The following RGS6 variants were observed in gnomAD, a reference collection of about 807,000 sequenced individuals.
RGS6 encodes regulator of G protein signaling 6.
RGS6 carries 30 observed loss-of-function variants against 78.5 expected under a neutral mutation model. The ratio of observed to expected loss-of-function variants is 0.38; its 90% confidence interval spans 0.29 to 0.52. RGS6 has a LOEUF of 0.52. Among genes scored for constraint, RGS6 ranks in the 20% least tolerant of loss-of-function variants. The pLI, the probability that RGS6 is intolerant of heterozygous loss-of-function variation, is 0.85. For synonymous variants in RGS6, 206 were observed against 206.0 expected (o/e 1.00, Z 0.00); for missense variants, 495 against 609.7 (o/e 0.81, Z 1.98).
At chr14:72,395,084 G>A (rs1240740553) in intron 3 of RGS6, among the ~76,000 whole-genome samples, 2 of 152,116 alleles carry the variant, frequency 1.3e-5, no homozygotes, top group East Asian at 3.8e-4. Flanking sequence ...ATCTGTGGTA[G>A]TAACATGATA....
At chr14:72,182,237 A>G (rs1457968920) in intron 2 of RGS6, among the ~76,000 whole-genome samples, 1 of 151,932 alleles carries the variant, frequency 6.6e-6, no homozygotes, top group Non-Finnish European at 1.5e-5. Context: ...GTGAAACCCC[A>G]TCTCTACTAA....
chr14:72,432,955 A>G (rs2094717602), intron 3 of RGS6, among the ~76,000 whole-genome samples: 1 of 152,190 alleles, frequency 6.6e-6, no homozygotes, highest in Admixed American at 6.5e-5. Flanking sequence ...GGGAGTAAGG[A>G]TGATGAAGAA....
intron 11 of RGS6, 77 bp downstream of exon 11, chr14:72,476,917 A>T: frequency 1.6e-6 from 2 of 1,284,128 alleles, no homozygotes; most frequent in Non-Finnish European, 2.2e-6. Flanking sequence ...TCAACTCTGA[A>T]GATTGAGCAA....
chr14:72,001,895 C>CTTTTT (rs59274317), intron 2 of RGS6, among the ~76,000 whole-genome samples: 25 of 92,526 alleles, frequency 2.7e-4, no homozygotes, highest in South Asian at 4.3e-4. Flanking sequence ...ATCCATTAAT[C>CTTTTT]TTTTTTTTTT....
At chr14:72,018,535 C>T (rs2153246301) in intron 2 of RGS6, among the ~76,000 whole-genome samples, 1 of 152,308 alleles carries the variant, frequency 6.6e-6, no homozygotes, top group South Asian at 2.1e-4. Context: ...TAAATTTGTA[C>T]CGCCAAAATG....
chr14:72,168,155 C>T (rs1012676345), intron 2 of RGS6, among the ~76,000 whole-genome samples: 1 of 152,202 alleles, frequency 6.6e-6, no homozygotes. Flanking sequence ...GAGCTATCTC[C>T]AGGCCTGCAT....
At chr14:72,577,955 C>G in the RGS6 span, among the ~76,000 whole-genome samples, 14 of 152,186 alleles carry the variant, frequency 9.2e-5, no homozygotes, top group African/African-American at 3.4e-4. Context: ...AGGCAGAGTG[C>G]AGAGGCTGCA....
In RGS6 at chr14:72,200,191, G is replaced by A. The variant is rs1217165072; in HGVS notation, c.85-151904G>A. On this transcript the variant is annotated intron_variant, in intron 2 of 17. Transcript: ENST00000553525. ...GGGAATCTAGTCTATTCTCAACATA[G>A]ATTCCTACTTTCTTAAAATAGGATG... Among the ~76,000 whole-genome samples, 8 of 152,180 alleles carry A rather than the reference G, an allele frequency of 5.3e-5. No individual in the cohort carries two copies. The South Asian group carries it at 1.4e-3, about 28-fold the overall frequency.
chr14:71,915,523 T>G, the RGS6 span, among the ~76,000 whole-genome samples: 1 of 152,142 alleles, frequency 6.6e-6, no homozygotes, highest in Non-Finnish European at 1.5e-5. Context: ...CAGCATCCCA[T>G]TCATCCCTCC....
the RGS6 span, among the ~76,000 whole-genome samples, chr14:72,605,145 C>A: frequency 0.37 from 55,916 of 152,070 alleles, 11,245 homozygotes; most frequent in Non-Finnish European, 0.45. Context: ...CAAGGACCAG[C>A]GGCAGCCATT....
In RGS6 at chr14:72,252,696, A is replaced by T. The variant is rs186636911; in HGVS notation, c.85-99399A>T. ...CAAAACATATTCTCAATCTATGTCT[A>T]CTCAAAGTAGGGCAATAGTCATGAT... On this transcript the variant is annotated intron_variant, in intron 2 of 17. Transcript: ENST00000553525. Among the ~76,000 whole-genome samples, 191 of 152,320 alleles carry T rather than the reference A, an allele frequency of 1.3e-3. 1 individual carries two copies. Among genetic ancestry groups the T allele is most frequent in the Non-Finnish European group, 2.3e-3 (155 of 68,020 alleles).
intron 2 of RGS6, among the ~76,000 whole-genome samples, chr14:72,167,381 A>C (rs967816782): frequency 6.6e-6 from 1 of 152,230 alleles, no homozygotes; most frequent in Admixed American, 6.5e-5. Context: ...CTGAAGTGAC[A>C]TCTCATTATC....
the RGS6 span, chr14:72,619,243 C>T: frequency 2.0e-6 from 3 of 1,521,180 alleles, no homozygotes; most frequent in Non-Finnish European, 2.6e-6. Flanking sequence ...CTGGTTTGAA[C>T]TGGGCTCTGC....
At chr14:72,500,488 C>T (rs912954655) in intron 13 of RGS6, among the ~76,000 whole-genome samples, 2 of 152,186 alleles carry the variant, frequency 1.3e-5, no homozygotes, top group Non-Finnish European at 2.9e-5. Context: ...CACTTTCTCT[C>T]GGTTTCAGTT....
At chr14:72,234,504 T>A (rs1042020864) in intron 2 of RGS6, among the ~76,000 whole-genome samples, 5 of 152,200 alleles carry the variant, frequency 3.3e-5, no homozygotes, top group Non-Finnish European at 7.3e-5. Flanking sequence ...AGGACATAAA[T>A]TAAGATCAGA....
intron 1 of RGS6, among the ~76,000 whole-genome samples, chr14:71,946,454 C>T (rs1366353390): frequency 1.3e-5 from 2 of 152,118 alleles, no homozygotes; most frequent in South Asian, 2.1e-4. Context: ...CCGTGTCAGA[C>T]AGTGCATCTA....
At chr14:72,156,050 G>A (rs1419517673) in intron 2 of RGS6, among the ~76,000 whole-genome samples, 2 of 152,200 alleles carry the variant, frequency 1.3e-5, no homozygotes, top group South Asian at 2.1e-4. Flanking sequence ...GGTGCAGCCT[G>A]GGCATCTGGA....
chr14:71,971,977 G>A (rs2093840197), intron 2 of RGS6, among the ~76,000 whole-genome samples: 1 of 142,626 alleles, frequency 7.0e-6, no homozygotes, highest in Admixed American at 7.2e-5. Context: ...GGTGGTAGTA[G>A]TCTTAGTGTT....
intron 2 of RGS6, among the ~76,000 whole-genome samples, chr14:72,101,516 T>A (rs914830255): frequency 2.0e-5 from 3 of 152,062 alleles, no homozygotes; most frequent in African/African-American, 7.3e-5. Context: ...CATCAGTGTC[T>A]GTAGCTGTGG....
Sources: gnomAD v4.1 joint callset for allele counts (sites outside exome capture counted in the v4.1 genomes callset) on GRCh38, gnomAD v4.1.1 for gene constraint, MANE v1.5 for transcripts, NCBI Gene and HGNC (gene_info 2026-07-23, HGNC 2026-07-21) for gene names.